IL1RAPL1: variants seen among roughly 807,000 people sequenced by gnomAD.
The protein encoded by IL1RAPL1 is interleukin 1 receptor accessory protein like 1, also known as interleukin-1 receptor accessory protein-like 1.
In IL1RAPL1, 3 loss-of-function variants were observed where a neutral mutation model predicts 48.4. The ratio of observed to expected loss-of-function variants is 0.06; its 90% CI spans 0.03 to 0.16. IL1RAPL1 has a LOEUF of 0.16. IL1RAPL1 is among the 10% of genes least tolerant of loss of function. The pLI, the probability that IL1RAPL1 is intolerant of heterozygous loss-of-function variation, is 1.00. For missense variants in IL1RAPL1, 349 were observed against 530.6 expected (o/e 0.66, Z 3.36); for synonymous variants, 185 against 187.7 (o/e 0.99, Z 0.12).
At chrX:28,653,949 G>A (rs899049892) in intron 1 of IL1RAPL1, among the ~76,000 whole-genome samples, 37 of 111,473 alleles carry the variant, frequency 3.3e-4, no homozygotes, top group African/African-American at 1.2e-3. Flanking sequence ...TCATATTAAA[G>A]GTTCATTCTA....
chrX:29,414,415 G>A (rs1934188005), intron 5 of IL1RAPL1, among the ~76,000 whole-genome samples: 1 of 111,735 alleles, frequency 8.9e-6, no homozygotes, highest in Non-Finnish European at 1.9e-5. Context: ...TTAATAGTTT[G>A]GAGCATATTT....
intron 1 of IL1RAPL1, among the ~76,000 whole-genome samples, chrX:28,711,688 G>T (rs889801693): frequency 4.7e-5 from 5 of 106,793 alleles, no homozygotes; most frequent in African/African-American, 1.7e-4. Flanking sequence ...TCAAGGGCCT[G>T]GCCAAGAAGG....
intron 6 of IL1RAPL1, among the ~76,000 whole-genome samples, chrX:29,754,317 T>C (rs1928561167): frequency 9.0e-6 from 1 of 111,569 alleles, no homozygotes; most frequent in South Asian, 3.7e-4. Flanking sequence ...TATAGTCATG[T>C]AGCAAAATTC....
chrX:28,684,122 C>G (rs976267827), intron 1 of IL1RAPL1, among the ~76,000 whole-genome samples: 3 of 112,323 alleles, frequency 2.7e-5, no homozygotes, highest in African/African-American at 6.5e-5. Flanking sequence ...TATATACCCC[C>G]TCTTCTGAGG....
chrX:29,878,279 G>A (rs112270202), intron 6 of IL1RAPL1, among the ~76,000 whole-genome samples: 3,934 of 111,552 alleles, frequency 0.035, 151 homozygotes, highest in African/African-American at 0.12. Flanking sequence ...TTTCTCTAGC[G>A]TCTTCTACCC....
intron 5 of IL1RAPL1, among the ~76,000 whole-genome samples, chrX:29,567,785 A>G (rs951170340): frequency 9.0e-6 from 1 of 111,169 alleles, no homozygotes; most frequent in Non-Finnish European, 1.9e-5. Flanking sequence ...AGATAGGAAT[A>G]CAAATGCTTC....
intron 2 of IL1RAPL1, among the ~76,000 whole-genome samples, chrX:29,096,328 A>G (rs750493227): frequency 8.9e-6 from 1 of 112,139 alleles, no homozygotes; most frequent in South Asian, 3.7e-4. Context: ...CTGAAGAGAA[A>G]TATTGCTGTA....
At chrX:29,608,728 A>G (rs1249107745) in intron 5 of IL1RAPL1, among the ~76,000 whole-genome samples, 1 of 101,068 alleles carries the variant, frequency 9.9e-6, no homozygotes, top group Non-Finnish European at 2.0e-5. Context: ...CGGGAGGCTG[A>G]GGCAGGAGAA....
intron 7 of IL1RAPL1, 113 bp from the exon 8 acceptor site, chrX:29,919,836 A>C (rs1169912502): frequency 4.1e-6 from 3 of 732,636 alleles, no homozygotes; most frequent in Non-Finnish European, 6.5e-6. Context: ...GCCAAATTAG[A>C]AGCACAGATT....
chrX:29,715,994 G>T (rs1035683986), intron 6 of IL1RAPL1, among the ~76,000 whole-genome samples: 1 of 112,073 alleles, frequency 8.9e-6, no homozygotes, highest in African/African-American at 3.2e-5. Context: ...GGTCCTGACT[G>T]CTTTCATCTG....
intron 2 of IL1RAPL1, among the ~76,000 whole-genome samples, chrX:29,049,549 C>T (rs1927048208): frequency 9.0e-6 from 1 of 111,407 alleles, no homozygotes; most frequent in South Asian, 3.8e-4. Flanking sequence ...GACCTTCAGT[C>T]CTGCAATTGC....
chrX:29,800,261 C>T (rs1399205958), intron 6 of IL1RAPL1, among the ~76,000 whole-genome samples: 3 of 110,859 alleles, frequency 2.7e-5, no homozygotes, highest in East Asian at 5.7e-4. Context: ...AATCACATGA[C>T]CACTGAACCC....
chrX:29,592,876 A>C (rs1923423797), intron 5 of IL1RAPL1, among the ~76,000 whole-genome samples: 1 of 111,788 alleles, frequency 8.9e-6, no homozygotes, highest in African/African-American at 3.3e-5. Flanking sequence ...TCCTTGCACC[A>C]GGCCCACAGT....
chrX:29,604,245 G>A (rs1333647331), intron 5 of IL1RAPL1, among the ~76,000 whole-genome samples: 1 of 111,800 alleles, frequency 8.9e-6, no homozygotes, highest in African/African-American at 3.3e-5. Context: ...TGTCTTATAA[G>A]TGTCTGATGT....
intron 5 of IL1RAPL1, among the ~76,000 whole-genome samples, chrX:29,432,759 C>T (rs1053721336): frequency 1.8e-5 from 2 of 111,401 alleles, no homozygotes; most frequent in Non-Finnish European, 3.8e-5. Context: ...CCATCACTTG[C>T]CTTACCCTTT....
intron 1 of IL1RAPL1, among the ~76,000 whole-genome samples, chrX:28,682,482 T>C (rs1935073057): frequency 9.0e-6 from 1 of 110,634 alleles, no homozygotes; most frequent in Non-Finnish European, 1.9e-5. Context: ...CTAATTTTTT[T>C]ATATTTTTGG....
intron 6 of IL1RAPL1, among the ~76,000 whole-genome samples, chrX:29,815,884 T>A (rs1930480901): frequency 9.0e-6 from 1 of 111,509 alleles, no homozygotes; most frequent in African/African-American, 3.3e-5. Flanking sequence ...TTTGTTTATG[T>A]GGCAAATTGC....
intron 3 of IL1RAPL1, among the ~76,000 whole-genome samples, chrX:29,363,821 C>T (rs1309627902): frequency 9.4e-6 from 1 of 106,851 alleles, no homozygotes; most frequent in African/African-American, 3.8e-5. Context: ...ATGGTGCTAA[C>T]CATTCATGAT....
At chrX:29,624,189 G>T (rs141855038) in intron 5 of IL1RAPL1, among the ~76,000 whole-genome samples, 13,788 of 111,304 alleles carry the variant, frequency 0.12, 887 homozygotes, top group African/African-American at 0.24. Context: ...TGTTGTTAAT[G>T]CTTCGGATGG....
Sources: allele counts gnomAD v4.1 joint callset (sites outside exome capture counted in the v4.1 genomes callset), GRCh38; gene constraint gnomAD v4.1.1; transcripts MANE v1.5; gene names NCBI Gene and HGNC (gene_info 2026-07-23, HGNC 2026-07-21).